The following PTPRS variants were observed in gnomAD, a reference collection of about 807,000 sequenced individuals.
The protein encoded by PTPRS is protein tyrosine phosphatase receptor type S, also known as receptor-type tyrosine-protein phosphatase S.
PTPRS carries 63 observed loss-of-function variants against 215.3 expected under a neutral mutation model. That is an observed-to-expected ratio of 0.29 (90% CI 0.24 to 0.36). The LOEUF (loss-of-function observed/expected upper bound fraction) is 0.36. PTPRS is among the 10% of genes least tolerant of loss of function. PTPRS has a pLI of 1.00. For missense variants in PTPRS, 2,258 were observed against 2,825.8 expected (o/e 0.80, Z 4.56); for synonymous variants, 1,404 against 1,191.4 (o/e 1.18, Z -3.68).
At chr19:5,260,444 T>C (rs764564247) in intron 7 of PTPRS, among the ~76,000 whole-genome samples, 1 of 152,080 alleles carries the variant, frequency 6.6e-6, no homozygotes, top group African/African-American at 2.4e-5. Context: ...CCTCCCACAG[T>C]GCTGGGATTA....
At chr19:5,220,715 G>C (rs1214886108) in intron 20 of PTPRS, among the ~76,000 whole-genome samples, 2 of 152,178 alleles carry the variant, frequency 1.3e-5, no homozygotes, top group Admixed American at 1.3e-4. Flanking sequence ...CTCCCCACTA[G>C]TTGGGAAGCC....
intron 12 of PTPRS, among the ~76,000 whole-genome samples, chr19:5,239,827 G>T (rs965976274): frequency 1.3e-5 from 2 of 152,064 alleles, no homozygotes; most frequent in African/African-American, 4.8e-5. Context: ...AACAGAGACA[G>T]AAAGAGAAAC....
At chr19:5,306,937 G>A (rs562485612) in intron 1 of PTPRS, among the ~76,000 whole-genome samples, 5 of 152,198 alleles carry the variant, frequency 3.3e-5, no homozygotes, top group Non-Finnish European at 7.3e-5. Context: ...GAAATGACAC[G>A]TGGAGAAAGT....
intron 17 of PTPRS, among the ~76,000 whole-genome samples, chr19:5,223,996 T>C (rs1359196461): frequency 6.6e-6 from 1 of 151,608 alleles, no homozygotes; most frequent in Non-Finnish European, 1.5e-5. Flanking sequence ...CTGGCCAACA[T>C]GGTGAAACCC....
rs1310899689 is a variant in PTPRS, at chr19:5,218,495, G to C, written c.3973C>G (p.Leu1325Val). Residue 1325 changes from leucine to valine, a missense_variant, in exon 25 of 38, where the codon CTG (leucine) becomes GTG (valine). Transcript: ENST00000262963. ...KDSEPRTKCLLNNADLAPHHP... is the reference protein window; with the variant it reads ...KDSEPRTKCLVNNADLAPHHP... The stretch of plus-strand genomic sequence containing the variant: ...TGAGGGGCGAGGTCGGCATTGTTCA[G>C]GAGGCATTTGGTGCGGGGTTCTGAG... 1 of 1,614,062 alleles carries C rather than the reference G, an allele frequency of 6.2e-7. No individual in the cohort carries two copies. Among genetic ancestry groups the C allele is most frequent in the African/African-American group, 1.3e-5 (1 of 74,922 alleles).
intron 1 of PTPRS, among the ~76,000 whole-genome samples, chr19:5,290,052 T>C (rs10408836): frequency 0.18 from 27,215 of 152,218 alleles, 2,798 homozygotes; most frequent in Non-Finnish European, 0.24. Context: ...AGGAAAAGCA[T>C]GGCAGCCCAT....
chr19:5,214,763 T>A (rs754156216), intron 28 of PTPRS, 27 bp from the exon 29 acceptor site: 2 of 1,581,648 alleles, frequency 1.3e-6, no homozygotes, highest in Non-Finnish European at 1.7e-6. Context: ...AGGCCAGGGA[T>A]CTGTGGGGGC....
At position 5,238,998 on chromosome 19, in the gene PTPRS, G is replaced by A. The variant is rs1013500413; in HGVS notation, c.1770C>T (p.Tyr590=). 3.1e-6 allele frequency: 5 copies of A among 1,613,298 alleles called. No homozygotes were observed. The highest frequency in any genetic ancestry group is 1.1e-5 in the South Asian group (1 of 91,040). ...VVEDLKPNTE[Y]AFRLAARSPQ... ...GCGAGCGGGCCGCCAGGCGGAAGGCGTACTCCGTGTTGGGCTTCAGGTCCT... is the reference window on the plus strand; with the variant it reads ...GCGAGCGGGCCGCCAGGCGGAAGGCATACTCCGTGTTGGGCTTCAGGTCCT... The change falls in exon 13 of 38, where the codon TAC becomes TAT. Residue 590 remains tyrosine (Y), a synonymous_variant. Transcript: ENST00000262963.
At chr19:5,224,060 T>C (rs1259851838) in intron 17 of PTPRS, among the ~76,000 whole-genome samples, 1 of 151,878 alleles carries the variant, frequency 6.6e-6, no homozygotes, top group Non-Finnish European at 1.5e-5. Context: ...ACGCCTGTAA[T>C]CCCAGCTACT....
Position 5,208,345 on chromosome 19 carries a change from G to A in PTPRS, c.5534C>T (p.Pro1845Leu), listed in dbSNP as rs1257575436. Residue 1845 changes from proline to leucine, a missense_variant, in exon 36 of 38, where the codon CCG becomes CTG. Physicochemically the swap from Pro to Leu is moderately conservative, Grantham distance 98. Coordinates refer to ENST00000262963, the MANE Select transcript of PTPRS (RefSeq NM_002850.4). ...CCCCGACTTTGGCACACCCTGTTCCGGCCAGTCTGTGAACTGGAACTGCCG... is the reference window on the plus strand; with the variant it reads ...CCCCGACTTTGGCACACCCTGTTCCAGCCAGTCTGTGAACTGGAACTGCCG... The part of the protein sequence containing the change: ...TVRQFQFTDW[P>L]EQGVPKSGEG... 1.9e-6 allele frequency: 3 copies of A among 1,613,348 alleles called. No individual in the cohort carries two copies. The highest frequency in any genetic ancestry group is 2.2e-5 in the East Asian group (1 of 44,888).
intron 1 of PTPRS, among the ~76,000 whole-genome samples, chr19:5,302,563 A>G (rs555732138): frequency 6.6e-6 from 1 of 152,216 alleles, no homozygotes; most frequent in African/African-American, 2.4e-5. Flanking sequence ...GAACACCAGC[A>G]GCCGGATGGG....
In PTPRS at chr19:5,293,554, C is replaced by T. The variant is rs2049017835; in HGVS notation, c.-94-7320G>A. 6.6e-6 allele frequency among the ~76,000 whole-genome samples: 1 copy of T among 152,192 alleles called. No individual in the cohort carries two copies. The highest frequency in any genetic ancestry group is 2.4e-5 in the African/African-American group (1 of 41,460). On this transcript the variant is annotated intron_variant, in intron 1 of 37. Transcript: ENST00000262963. The surrounding 1 kb of genome is among the most constrained non-coding windows in gnomAD (Gnocchi z 8.4). The stretch of plus-strand genomic sequence containing the variant: ...GAGCCTCTACACTGCTCCTCGCTTC[C>T]CCAGCTCTGATCGTAGCCATGGCAA...
In PTPRS at chr19:5,231,428, A is replaced by G. The variant is rs1287666930; in HGVS notation, c.2037T>C (p.Thr679=). The change falls in exon 14 of 38, where the codon ACT becomes ACC. Residue 679 remains threonine (T), a synonymous_variant. Coordinates refer to ENST00000262963, the MANE Select transcript of PTPRS (RefSeq NM_002850.4). ...TCTCCAAGGCCTCCAGCAGGATCTG[A>G]GTGGTGGTCGGGGGGATGCCGTTCA... The part of the protein sequence containing the change: ...KEVNGIPPTT[T]QILLEALEKW... The G allele has an allele frequency of 6.2e-7, 1 of 1,612,656 alleles. No homozygotes were observed. The highest frequency in any genetic ancestry group is 8.5e-7 in the Non-Finnish European group (1 of 1,179,836).
chr19:5,294,555 G>A lies in PTPRS; in HGVS notation c.-94-8321C>T, dbSNP rs934897531. The A allele has an allele frequency of 6.6e-6, 1 of 152,202 alleles. No homozygotes were observed. The highest frequency in any genetic ancestry group is 1.5e-5 in the Non-Finnish European group (1 of 68,046). 9.4% of individuals were successfully genotyped at this position (152,202 alleles called of 1,614,324 possible). On this transcript the variant is annotated intron_variant, in intron 1 of 37. Coordinates refer to ENST00000262963, the MANE Select transcript of PTPRS (RefSeq NM_002850.4). This position sits in a 1 kb window ranked among gnomAD's most constrained non-coding sequence, Gnocchi z 5.1. ...TGATGGGAGACACACAGGCGGCTGT[G>A]AGAGCCCAGCAGAAACAATTCCGCT...
intron 9 of PTPRS, among the ~76,000 whole-genome samples, chr19:5,252,873 CAAAAAAA>C (rs769636796): frequency 3.9e-3 from 178 of 45,666 alleles, no homozygotes; most frequent in African/African-American, 0.011. Flanking sequence ...AACTCCATCT[CAAAAAAA>C]AAAAAAAAAA....
At chr19:5,241,043 C>G (rs1472833707) in intron 11 of PTPRS, among the ~76,000 whole-genome samples, 1 of 150,800 alleles carries the variant, frequency 6.6e-6, no homozygotes, top group African/African-American at 2.4e-5. Flanking sequence ...GCACCCGCCA[C>G]CACGCCCGGC....
At chr19:5,292,979 GC>G (rs1465603354) in intron 1 of PTPRS, among the ~76,000 whole-genome samples, 1 of 152,138 alleles carries the variant, frequency 6.6e-6, no homozygotes, top group Non-Finnish European at 1.5e-5. Flanking sequence ...GCAGCAGCAG[GC>G]CCAAGCTGGC....
Position 5,223,161 on chromosome 19 carries a change from G to A in PTPRS, c.2631C>T (p.Pro877=), listed in dbSNP as rs1054640498. The A allele has an allele frequency of 2.5e-6, 4 of 1,569,042 alleles. No individual in the cohort carries two copies. Among genetic ancestry groups the A allele is most frequent in the Middle Eastern group, 1.7e-4 (1 of 6,016 alleles). Residue 877 remains proline (P), a synonymous_variant, in exon 18 of 38, where the codon CCC becomes CCT. Transcript: ENST00000262963. ...RLQFGREDST[P]LATLEFPPSE... Reference sequence around the variant, plus strand: ...AGGGCGGGAACTCCAGGGTGGCCAGGGGCGTCGAGTCCTCACGGCCAAACT... The same window carrying A: ...AGGGCGGGAACTCCAGGGTGGCCAGAGGCGTCGAGTCCTCACGGCCAAACT...
intron 1 of PTPRS, among the ~76,000 whole-genome samples, chr19:5,307,165 A>G (rs2147128635): frequency 6.6e-6 from 1 of 152,254 alleles, no homozygotes; most frequent in East Asian, 1.9e-4. Flanking sequence ...AAAATTAGCC[A>G]GGTGTGGTGG....
Sources: gnomAD v4.1 joint callset for allele counts (sites outside exome capture counted in the v4.1 genomes callset) on GRCh38, gnomAD v4.1.1 for gene constraint, Gnocchi (gnomAD v3.1) non-coding constraint, MANE v1.5 for transcripts, NCBI Gene and HGNC (gene_info 2026-07-23, HGNC 2026-07-21) for gene names.